The following BMPR1B variants were observed in gnomAD, a reference collection of about 807,000 sequenced individuals.
The protein encoded by BMPR1B is bone morphogenetic protein receptor type-1B.
A neutral mutation model predicts 59.1 loss-of-function variants in BMPR1B; 12 were observed. That is an observed-to-expected ratio of 0.20 (90% CI 0.13 to 0.33). The LOEUF (loss-of-function observed/expected upper bound fraction) is 0.33, where lower values mean the gene tolerates loss of function less well. BMPR1B is among the 10% of genes least tolerant of loss of function. The pLI is 1.00. For synonymous variants in BMPR1B, 237 were observed against 207.3 expected (o/e 1.14, Z -1.23); for missense variants, 550 against 610.9 (o/e 0.90, Z 1.05).
intron 2 of BMPR1B, among the ~76,000 whole-genome samples, chr4:94,909,541 A>G (rs1488699937): frequency 1.3e-5 from 2 of 152,100 alleles, no homozygotes; most frequent in Non-Finnish European, 1.5e-5. Flanking sequence ...TGTAAAGTGC[A>G]TAGAACAATC....
At chr4:94,838,893 A>T (rs1470266800) in intron 1 of BMPR1B, among the ~76,000 whole-genome samples, 2 of 141,306 alleles carry the variant, frequency 1.4e-5, no homozygotes, top group African/African-American at 5.4e-5. Flanking sequence ...TCTTGTGGGC[A>T]TTTAGTGCTA....
chr4:94,769,115 AT>A (rs1159332388), intron 1 of BMPR1B, among the ~76,000 whole-genome samples: 2 of 152,202 alleles, frequency 1.3e-5, no homozygotes, highest in Non-Finnish European at 1.5e-5. Flanking sequence ...CCTTTTCTAA[AT>A]TCCTTTTTTG....
intron 2 of BMPR1B, among the ~76,000 whole-genome samples, chr4:94,933,759 A>G (rs973984995): frequency 6.6e-6 from 1 of 152,160 alleles, no homozygotes; most frequent in African/African-American, 2.4e-5. Flanking sequence ...TCTCAGAGAT[A>G]TTTGAGACAA....
intron 3 of BMPR1B, among the ~76,000 whole-genome samples, chr4:95,064,866 A>G (rs2149210904): frequency 6.6e-6 from 1 of 152,250 alleles, no homozygotes; most frequent in Middle Eastern, 3.4e-3. Flanking sequence ...AATAAAAGAT[A>G]TAATAAAAAA....
rs1443646445 is a variant in BMPR1B, at chr4:95,025,733, T to A, written c.-18+29599T>A. 4.6e-5 allele frequency among the ~76,000 whole-genome samples: 7 copies of A among 152,158 alleles called. No homozygotes were observed. The South Asian group carries it at 1.4e-3, about 32-fold the overall frequency. ...AAAGTGATTTTCAGAAACATCACCT[T>A]TATTAGAAAGATGAATTTTGAATTT... On this transcript the variant is annotated intron_variant, in intron 3 of 12. Transcript: ENST00000515059.
rs369809788 is a variant in BMPR1B at position 94,942,678 on chromosome 4, A to T, written c.-112-53362A>T. On this transcript the variant is annotated intron_variant, in intron 2 of 12. Coordinates refer to ENST00000515059, the MANE Select transcript of BMPR1B (RefSeq NM_001203.3). Reference sequence around the variant, plus strand: ...AATGTCATCTTATAGCTGATACCAAATTTAACTATTGCTGTCACTTTATGA... The same window carrying T: ...AATGTCATCTTATAGCTGATACCAATTTTAACTATTGCTGTCACTTTATGA... Among the ~76,000 whole-genome samples the T allele has an allele frequency of 1.6e-4, 25 of 152,356 alleles. No homozygotes were observed. In the South Asian group the frequency reaches 3.7e-3, roughly 23 times the overall value.
At chr4:94,973,743 C>T (rs1196232669) in intron 2 of BMPR1B, among the ~76,000 whole-genome samples, 1 of 152,126 alleles carries the variant, frequency 6.6e-6, no homozygotes, top group South Asian at 2.1e-4. Context: ...TTCTCTGCCT[C>T]CGTCCCTATC....
At chr4:94,841,460 C>T (rs899570814) in intron 1 of BMPR1B, among the ~76,000 whole-genome samples, 4 of 152,190 alleles carry the variant, frequency 2.6e-5, no homozygotes, top group African/African-American at 4.8e-5. Context: ...GATATAATCT[C>T]GTGCTGCGCT....
At chr4:94,774,150 C>A (rs1722284494) in intron 1 of BMPR1B, among the ~76,000 whole-genome samples, 1 of 152,030 alleles carries the variant, frequency 6.6e-6, no homozygotes. Flanking sequence ...CATCATGCTT[C>A]TGTGCAACCT....
chr4:95,031,201 A>G (rs1004706381), intron 3 of BMPR1B, among the ~76,000 whole-genome samples: 1 of 152,172 alleles, frequency 6.6e-6, no homozygotes, highest in African/African-American at 2.4e-5. Context: ...TTCTTAATCT[A>G]TATATCTTCT....
At chr4:94,795,706 C>T (rs772100517) in intron 1 of BMPR1B, among the ~76,000 whole-genome samples, 8 of 151,782 alleles carry the variant, frequency 5.3e-5, no homozygotes, top group Admixed American at 2.0e-4. Flanking sequence ...TCAAGTGATC[C>T]GCCCACCTTG....
intron 2 of BMPR1B, among the ~76,000 whole-genome samples, chr4:94,944,933 T>TGA (rs1476031129): frequency 6.6e-6 from 1 of 152,208 alleles, no homozygotes; most frequent in Non-Finnish European, 1.5e-5. Context: ...TGCACTTTTG[T>TGA]GAGCTTTACA....
At chr4:94,983,586 A>T (rs912080996) in intron 2 of BMPR1B, among the ~76,000 whole-genome samples, 8 of 152,186 alleles carry the variant, frequency 5.3e-5, no homozygotes, top group Non-Finnish European at 1.0e-4. Context: ...CTCAATATGG[A>T]AAATTTAAGG....
intron 2 of BMPR1B, among the ~76,000 whole-genome samples, chr4:94,958,073 A>G (rs1475375942): frequency 6.6e-6 from 1 of 152,226 alleles, no homozygotes; most frequent in Non-Finnish European, 1.5e-5. Context: ...AGAAAGCAGA[A>G]TAAGCAATAA....
chr4:94,947,902 T>C (rs1354274032), intron 2 of BMPR1B, among the ~76,000 whole-genome samples: 1 of 152,228 alleles, frequency 6.6e-6, no homozygotes, highest in African/African-American at 2.4e-5. Flanking sequence ...CCATTACTCA[T>C]AGATTCAGAC....
At chr4:95,052,483 T>A (rs374407383) in intron 3 of BMPR1B, among the ~76,000 whole-genome samples, 2 of 151,986 alleles carry the variant, frequency 1.3e-5, no homozygotes, top group East Asian at 3.9e-4. Flanking sequence ...AGTTATAGAG[T>A]TGGAAATAAG....
intron 8 of BMPR1B, 145 bp downstream of exon 8, chr4:95,125,266 G>C (rs1345214470): frequency 9.5e-7 from 1 of 1,052,324 alleles, no homozygotes; most frequent in East Asian, 2.6e-5. Context: ...CAGCTGCAGG[G>C]CTTCCTGATA....
At chr4:95,004,268 A>G (rs1722663426) in intron 3 of BMPR1B, among the ~76,000 whole-genome samples, 1 of 152,212 alleles carries the variant, frequency 6.6e-6, no homozygotes, top group African/African-American at 2.4e-5. Context: ...TTGCTTCAGT[A>G]TAATATAGGA....
intron 1 of BMPR1B, among the ~76,000 whole-genome samples, chr4:94,827,346 G>A (rs1478917657): frequency 2.0e-5 from 3 of 152,052 alleles, no homozygotes. Context: ...TTTATAAAAA[G>A]TGTATATAAA....
Sources: allele counts gnomAD v4.1 joint callset (sites outside exome capture counted in the v4.1 genomes callset), GRCh38; gene constraint gnomAD v4.1.1; transcripts MANE v1.5; gene names NCBI Gene and HGNC (gene_info 2026-07-23, HGNC 2026-07-21).